The following ATP10B variants were observed in gnomAD, a reference collection of about 807,000 sequenced individuals.
ATP10B encodes the protein ATPase phospholipid transporting 10B (putative).
Under a neutral mutation model 141.2 loss-of-function variants are expected in ATP10B, and 122 were observed. The ratio of observed to expected loss-of-function variants is 0.86; its 90% CI spans 0.75 to 1.00. The LOEUF is 1.00. Ranked by LOEUF, ATP10B falls within the 50% of genes least tolerant of loss-of-function variation. ATP10B has a pLI of 0.00. For missense variants in ATP10B, 1,876 were observed against 1,825.3 expected, an observed-to-expected ratio of 1.03 and a Z score of -0.51; for synonymous variants, 685 against 692.0, an observed-to-expected ratio of 0.99 and a Z score of 0.16.
the ATP10B span, among the ~76,000 whole-genome samples, chr5:160,901,059 G>T: frequency 6.6e-6 from 1 of 151,922 alleles, no homozygotes; most frequent in Non-Finnish European, 1.5e-5. Flanking sequence ...CACATCTGAA[G>T]CAAAACTCCG....
intron 7 of ATP10B, among the ~76,000 whole-genome samples, chr5:160,668,573 CA>C (rs1762469679): frequency 6.6e-6 from 1 of 152,126 alleles, no homozygotes; most frequent in South Asian, 2.1e-4. Flanking sequence ...CTGTAATAAG[CA>C]AAGGGTGAGA....
At chr5:160,865,339 A>T in the ATP10B span, among the ~76,000 whole-genome samples, 2 of 152,156 alleles carry the variant, frequency 1.3e-5, no homozygotes, top group Non-Finnish European at 2.9e-5. Flanking sequence ...CACTCTATTC[A>T]ATAAATGGTG....
intron 1 of ATP10B, among the ~76,000 whole-genome samples, chr5:160,829,864 G>C (rs1393739294): frequency 6.6e-6 from 1 of 152,046 alleles, no homozygotes; most frequent in Non-Finnish European, 1.5e-5. Flanking sequence ...GGAGTCCTTA[G>C]GGTTTTCTAA....
chr5:160,626,058 G>T (rs1026708895), intron 13 of ATP10B, among the ~76,000 whole-genome samples: 1 of 152,200 alleles, frequency 6.6e-6, no homozygotes, highest in African/African-American at 2.4e-5. Flanking sequence ...TTTTGCTCCA[G>T]CCCACTGGTT....
At chr5:160,669,608 C>CTTTT (rs5872655) in intron 7 of ATP10B, among the ~76,000 whole-genome samples, 7 of 84,946 alleles carry the variant, frequency 8.2e-5, no homozygotes, top group East Asian at 3.6e-4. Flanking sequence ...CAGTCTCTCT[C>CTTTT]TTTTTTTTTT....
the ATP10B span, among the ~76,000 whole-genome samples, chr5:160,913,584 A>T: frequency 2.9e-3 from 436 of 152,088 alleles, 1 homozygote; most frequent in African/African-American, 0.01. Context: ...CTCCCATCCT[A>T]ATTTGGTTGT....
At chr5:160,752,728 G>C (rs547896549) in intron 2 of ATP10B, among the ~76,000 whole-genome samples, 1 of 152,164 alleles carries the variant, frequency 6.6e-6, no homozygotes, top group Non-Finnish European at 1.5e-5. Flanking sequence ...TGAAGTCAAC[G>C]CGGGGATGTG....
intron 3 of ATP10B, among the ~76,000 whole-genome samples, chr5:160,700,549 G>A (rs981707965): frequency 6.6e-6 from 1 of 152,156 alleles, no homozygotes. Flanking sequence ...GCACATAATT[G>A]CTAAGTAGCT....
At chr5:160,910,201 C>T in the ATP10B span, among the ~76,000 whole-genome samples, 1 of 152,082 alleles carries the variant, frequency 6.6e-6, no homozygotes, top group Non-Finnish European at 1.5e-5. Context: ...TCCTGAGTTG[C>T]TCCCCTATCC....
intron 2 of ATP10B, among the ~76,000 whole-genome samples, chr5:160,761,980 C>T (rs1316712947): frequency 1.3e-5 from 2 of 152,076 alleles, no homozygotes; most frequent in Non-Finnish European, 2.9e-5. Context: ...GAAAAAACTT[C>T]AGAGCTTGAA....
chr5:160,785,442 T>C (rs1771067474), intron 2 of ATP10B, 117 bp downstream of exon 2: 1 of 333,776 alleles, frequency 3.0e-6, no homozygotes, highest in Non-Finnish European at 5.8e-6. Flanking sequence ...CTGTTTTGTT[T>C]TGTTTTTTTA....
At chr5:160,718,587 T>C (rs1455493317) in intron 2 of ATP10B, among the ~76,000 whole-genome samples, 2 of 152,190 alleles carry the variant, frequency 1.3e-5, no homozygotes, top group African/African-American at 4.8e-5. Flanking sequence ...CATGCTAACA[T>C]GGTGAAGAAG....
intron 7 of ATP10B, among the ~76,000 whole-genome samples, chr5:160,652,899 T>C (rs1458178546): frequency 4.3e-5 from 3 of 69,028 alleles, no homozygotes; most frequent in Non-Finnish European, 7.4e-5. Context: ...TTATATAATA[T>C]ATTATATATA....
chr5:160,607,068 G>A lies in ATP10B; in HGVS notation c.2857C>T (p.Leu953Phe). 6.2e-7 allele frequency: 1 copy of A among 1,613,124 alleles called. No individual in the cohort carries two copies. The highest frequency in any genetic ancestry group is 1.1e-5 in the South Asian group (1 of 91,066). The change falls in exon 19 of 26, where the codon CTC (leucine) becomes TTC (phenylalanine). Residue 953 changes from leucine (L) to phenylalanine (F), a missense_variant. Transcript: ENST00000327245. ...TENQETCESI[L>F]NCALEELKQF... ...TTTAGCTCTTCCAATGCACAATTGA[G>A]GATGGATTCACAGGTCTCCTATAAA...
At chr5:160,626,681 T>C (rs1357554440) in intron 13 of ATP10B, among the ~76,000 whole-genome samples, 1 of 152,248 alleles carries the variant, frequency 6.6e-6, no homozygotes, top group Non-Finnish European at 1.5e-5. Context: ...GAGTGGGGCC[T>C]GAGCATTGGC....
At chr5:160,773,103 G>A (rs140209109) in intron 2 of ATP10B, among the ~76,000 whole-genome samples, 162 of 152,224 alleles carry the variant, frequency 1.1e-3, no homozygotes, top group African/African-American at 3.7e-3. Flanking sequence ...TGTGACCTTC[G>A]GGTTACTTAG....
At chr5:160,885,256 G>A in the ATP10B span, among the ~76,000 whole-genome samples, 2 of 152,210 alleles carry the variant, frequency 1.3e-5, no homozygotes, top group Non-Finnish European at 2.9e-5. Context: ...CAGCTCTCCT[G>A]TTTTAATAAG....
At chr5:160,838,339 T>C (rs1164415182) in intron 1 of ATP10B, among the ~76,000 whole-genome samples, 1 of 152,164 alleles carries the variant, frequency 6.6e-6, no homozygotes, top group African/African-American at 2.4e-5. Flanking sequence ...AACTTTCAAA[T>C]TGTGATGTGG....
At chr5:160,566,602 G>T (rs1200436968) in intron 25 of ATP10B, among the ~76,000 whole-genome samples, 1 of 152,144 alleles carries the variant, frequency 6.6e-6, no homozygotes, top group Non-Finnish European at 1.5e-5. Flanking sequence ...CTGCCAAGCT[G>T]CATGCAGTCT....
Sources: allele counts gnomAD v4.1 joint callset (sites outside exome capture counted in the v4.1 genomes callset), GRCh38; gene constraint gnomAD v4.1.1; transcripts MANE v1.5; gene names NCBI Gene and HGNC (gene_info 2026-07-23, HGNC 2026-07-21).